Variants in PCDH9 observed in about 807,000 individuals in gnomAD.
PCDH9 encodes the protein protocadherin 9.
Under a neutral mutation model 70.6 loss-of-function variants are expected in PCDH9, and 24 were observed. That is an observed-to-expected ratio of 0.34 (90% CI 0.25 to 0.48). The LOEUF is 0.48. PCDH9 is among the 20% of genes least tolerant of loss of function. The pLI, the probability that PCDH9 is intolerant of heterozygous loss-of-function variation, is 0.99. For missense variants in PCDH9, 1,281 were observed against 1,503.6 expected (o/e 0.85, Z 2.45); for synonymous variants, 562 against 558.5 (o/e 1.01, Z -0.09).
intron 3 of PCDH9, among the ~76,000 whole-genome samples, chr13:66,720,507 A>G (rs986168201): frequency 6.6e-6 from 1 of 151,942 alleles, no homozygotes; most frequent in Non-Finnish European, 1.5e-5. Context: ...TAGACAATGT[A>G]AAAATAAAGA....
chr13:67,032,232 T>G (rs1163568508), intron 2 of PCDH9, among the ~76,000 whole-genome samples: 1 of 152,124 alleles, frequency 6.6e-6, no homozygotes, highest in Non-Finnish European at 1.5e-5. Context: ...TAGCCTACAC[T>G]TCCCGGGCTC....
chr13:66,577,481 C>T (rs138339594), intron 4 of PCDH9, among the ~76,000 whole-genome samples: 307 of 151,900 alleles, frequency 2.0e-3, no homozygotes, highest in Non-Finnish European at 3.8e-3. Flanking sequence ...ATATTTGGAG[C>T]ACAAAATACT....
intron 2 of PCDH9, among the ~76,000 whole-genome samples, chr13:67,076,050 C>T (rs2085870936): frequency 6.6e-6 from 1 of 152,108 alleles, no homozygotes; most frequent in South Asian, 2.1e-4. Context: ...TAGTTTAAAG[C>T]AAGCACTCCA....
At chr13:66,490,968 A>G (rs1248807325) in intron 4 of PCDH9, among the ~76,000 whole-genome samples, 1 of 152,142 alleles carries the variant, frequency 6.6e-6, no homozygotes, top group African/African-American at 2.4e-5. Flanking sequence ...TTAGTCTACC[A>G]ATTCTTTTAG....
chr13:66,470,285 A>T (rs1958592799), intron 4 of PCDH9, among the ~76,000 whole-genome samples: 1 of 152,166 alleles, frequency 6.6e-6, no homozygotes. Flanking sequence ...GTACCTTAAC[A>T]GCCCTTTTGT....
intron 3 of PCDH9, among the ~76,000 whole-genome samples, chr13:66,685,993 C>G (rs1018188958): frequency 1.3e-5 from 2 of 152,148 alleles, no homozygotes; most frequent in African/African-American, 4.8e-5. Context: ...AGACCTTGGA[C>G]TTGGACTTTT....
At chr13:67,101,141 G>A (rs2086425086) in intron 2 of PCDH9, among the ~76,000 whole-genome samples, 1 of 152,008 alleles carries the variant, frequency 6.6e-6, no homozygotes, top group Admixed American at 6.6e-5. Flanking sequence ...TCAGCAATGG[G>A]GATTTCTCAG....
intron 4 of PCDH9, among the ~76,000 whole-genome samples, chr13:66,359,153 C>T (rs564217656): frequency 1.6e-4 from 24 of 152,008 alleles, no homozygotes; most frequent in African/African-American, 4.3e-4. Context: ...TAATTGACTA[C>T]GATTTTGTTA....
intron 2 of PCDH9, among the ~76,000 whole-genome samples, chr13:67,118,888 A>C (rs2086827485): frequency 6.6e-6 from 1 of 152,300 alleles, no homozygotes; most frequent in African/African-American, 2.4e-5. Flanking sequence ...ATGTAGAACA[A>C]GTAACTCATT....
At chr13:67,193,815 A>G (rs2088985794) in intron 2 of PCDH9, among the ~76,000 whole-genome samples, 1 of 152,100 alleles carries the variant, frequency 6.6e-6, no homozygotes, top group Admixed American at 6.5e-5. Context: ...CATGGAAACG[A>G]CCTTTTACTA....
At chr13:67,102,908 T>C (rs2086462975) in intron 2 of PCDH9, among the ~76,000 whole-genome samples, 1 of 152,090 alleles carries the variant, frequency 6.6e-6, no homozygotes, top group Non-Finnish European at 1.5e-5. Flanking sequence ...AGAGACAACA[T>C]GGTTATACTC....
At chr13:66,482,845 C>T (rs549705819) in intron 4 of PCDH9, among the ~76,000 whole-genome samples, 19 of 152,284 alleles carry the variant, frequency 1.2e-4, no homozygotes, top group Admixed American at 2.0e-4. Flanking sequence ...ATCCAATCTG[C>T]ATCACTGAGA....
At position 66,333,547 on chromosome 13, in the gene PCDH9, G is replaced by A. The variant is rs142245502; in HGVS notation, c.3341-28519C>T. On this transcript the variant is annotated intron_variant, in intron 4 of 4. Transcript: ENST00000377865. The stretch of plus-strand genomic sequence containing the variant: ...TACTTTAGATAGAAATTTTAAAATA[G>A]AATGACTTAAGAACGAAGATCTTTA... Among the ~76,000 whole-genome samples, 212 of 152,254 alleles carry A rather than the reference G, an allele frequency of 1.4e-3. 1 individual carries two copies. Among genetic ancestry groups the A allele is most frequent in the Non-Finnish European group, 1.0e-3 (68 of 68,010 alleles).
chr13:67,051,320 G>A (rs1266310563), intron 2 of PCDH9, among the ~76,000 whole-genome samples: 1 of 151,394 alleles, frequency 6.6e-6, no homozygotes, highest in Non-Finnish European at 1.5e-5. Context: ...TTTTTGGGAG[G>A]TGGGTCTGCA....
At chr13:66,514,472 G>A (rs1171601127) in intron 4 of PCDH9, among the ~76,000 whole-genome samples, 1 of 137,490 alleles carries the variant, frequency 7.3e-6, no homozygotes, top group Non-Finnish European at 1.5e-5. Flanking sequence ...TTAGTGAATG[G>A]GAAAATGGAG....
chr13:66,984,406 A>G (rs1044475693), intron 2 of PCDH9, among the ~76,000 whole-genome samples: 3 of 152,260 alleles, frequency 2.0e-5, no homozygotes, highest in Admixed American at 6.5e-5. Context: ...GAGTGTTTCC[A>G]TAACAGATTT....
intron 2 of PCDH9, among the ~76,000 whole-genome samples, chr13:67,090,605 A>G (rs562014538): frequency 2.3e-3 from 346 of 152,164 alleles, no homozygotes; most frequent in Non-Finnish European, 3.9e-3. Context: ...GTAGTGACTG[A>G]ACTAACAATT....
At chr13:67,160,636 G>T (rs2087932364) in intron 2 of PCDH9, among the ~76,000 whole-genome samples, 1 of 151,802 alleles carries the variant, frequency 6.6e-6, no homozygotes, top group Non-Finnish European at 1.5e-5. Context: ...CAACATGCAG[G>T]TTGAAATACT....
intron 4 of PCDH9, among the ~76,000 whole-genome samples, chr13:66,505,471 A>G (rs1282515203): frequency 1.3e-5 from 2 of 151,672 alleles, no homozygotes; most frequent in Non-Finnish European, 2.9e-5. Context: ...GGTCCCTCCC[A>G]TGACACGTGG....
Sources: gnomAD v4.1 joint callset for allele counts (sites outside exome capture counted in the v4.1 genomes callset) on GRCh38, gnomAD v4.1.1 for gene constraint, MANE v1.5 for transcripts, NCBI Gene and HGNC (gene_info 2026-07-23, HGNC 2026-07-21) for gene names.